DMD: variants seen among roughly 807,000 people sequenced by gnomAD.
DMD encodes mutant dystrophin.
Under a neutral mutation model 330.1 loss-of-function variants are expected in DMD, and 63 were observed. The observed-to-expected ratio is 0.19, with a 90% CI of 0.16 to 0.24. DMD has a LOEUF of 0.24. DMD is among the 10% of genes least tolerant of loss of function. The pLI is 1.00. For synonymous variants in DMD, 1,223 were observed against 959.8 expected (o/e 1.27, Z -5.07); for missense variants, 3,344 against 2,684.1 (o/e 1.25, Z -5.43).
At chrX:32,707,312 G>C (rs1038664704) in intron 7 of DMD, among the ~76,000 whole-genome samples, 1 of 111,876 alleles carries the variant, frequency 8.9e-6, no homozygotes, top group African/African-American at 3.3e-5. Context: ...ACTTGCCACT[G>C]TATCCCTGCT....
intron 2 of DMD, among the ~76,000 whole-genome samples, chrX:32,860,055 A>ATT (rs2081956943): frequency 8.9e-6 from 1 of 111,937 alleles, no homozygotes; most frequent in African/African-American, 3.3e-5. Context: ...ACACGAAAGG[A>ATT]CCTAAAAACG....
At chrX:31,419,734 A>G (rs984168607) in intron 60 of DMD, among the ~76,000 whole-genome samples, 1 of 111,620 alleles carries the variant, frequency 9.0e-6, no homozygotes, top group African/African-American at 3.3e-5. Context: ...GTAAATGGAT[A>G]AAGACCTCAG....
chrX:32,199,780 T>TTGTGTGTGTGTGTGTGTGTGTG (rs35897988), intron 44 of DMD, among the ~76,000 whole-genome samples: 12 of 84,137 alleles, frequency 1.4e-4, no homozygotes, highest in East Asian at 4.0e-4. Flanking sequence ...CGCAAGGCTT[T>TTGTGTGTGTGTGTGTGTGTGTG]TGTGTGTGTG....
At chrX:32,051,188 T>C (rs2096111749) in intron 44 of DMD, among the ~76,000 whole-genome samples, 1 of 109,656 alleles carries the variant, frequency 9.1e-6, no homozygotes, top group Admixed American at 9.9e-5. Context: ...TAACATAAAG[T>C]ATAGGTTAGA....
At chrX:32,748,871 T>C (rs2070429009) in intron 7 of DMD, among the ~76,000 whole-genome samples, 1 of 112,371 alleles carries the variant, frequency 8.9e-6, no homozygotes, top group Admixed American at 9.4e-5. Flanking sequence ...TGTTCACAGC[T>C]CTCTGATTAG....
intron 12 of DMD, among the ~76,000 whole-genome samples, chrX:32,597,438 A>T (rs1569278047): frequency 9.0e-6 from 1 of 111,726 alleles, no homozygotes; most frequent in East Asian, 2.8e-4. Flanking sequence ...GAAAACATGC[A>T]CAGATGAGTT....
At chrX:32,872,969 C>G (rs766047263) in intron 2 of DMD, among the ~76,000 whole-genome samples, 14 of 111,981 alleles carry the variant, frequency 1.3e-4, no homozygotes, top group African/African-American at 4.2e-4. Context: ...CTTATTTAAA[C>G]TAATCTTAGT....
chrX:32,167,639 A>G (rs2096873001), intron 44 of DMD, among the ~76,000 whole-genome samples: 1 of 112,581 alleles, frequency 8.9e-6, no homozygotes, highest in Non-Finnish European at 1.9e-5. Flanking sequence ...TCCCTGATAC[A>G]CGGTTAATGC....
chrX:32,016,224 A>G (rs2095758658), intron 44 of DMD, among the ~76,000 whole-genome samples: 1 of 111,496 alleles, frequency 9.0e-6, no homozygotes, highest in African/African-American at 3.3e-5. Flanking sequence ...ATACTATTAT[A>G]CTCTATTTCA....
Position 31,684,510 on chromosome X carries a change from T to C in DMD, c.7661-4924A>G, listed in dbSNP as rs188686912. On this transcript the variant is annotated intron_variant, in intron 52 of 78. Transcript: ENST00000357033. ...ATGGTGTGTACTTAGTTTTAACTCA[T>C]CTCCCTGGCTTTAGTGGTTAATTCA... Among the ~76,000 whole-genome samples, 4 of 112,037 alleles carry C rather than the reference T, an allele frequency of 3.6e-5. No individual in the cohort carries two copies. In the Admixed American group the frequency reaches 3.8e-4, roughly 11 times the overall value.
chrX:33,160,013 C>A (rs73455882), intron 1 of DMD, among the ~76,000 whole-genome samples: 40 of 111,853 alleles, frequency 3.6e-4, no homozygotes, highest in African/African-American at 1.3e-3. Context: ...AGTGCACATT[C>A]AGTAGAAACC....
At chrX:32,684,995 C>G (rs1382961038) in intron 9 of DMD, among the ~76,000 whole-genome samples, 1 of 111,561 alleles carries the variant, frequency 9.0e-6, no homozygotes, top group Non-Finnish European at 1.9e-5. Context: ...TTTATTGACT[C>G]CATAAATAAT....
At chrX:31,984,264 C>T (rs1037705350) in intron 44 of DMD, among the ~76,000 whole-genome samples, 33 of 111,460 alleles carry the variant, frequency 3.0e-4, no homozygotes, top group African/African-American at 1.0e-3. Flanking sequence ...AAATATCAAC[C>T]CAGAATATGT....
At chrX:33,164,892 G>A (rs1243413137) in intron 1 of DMD, among the ~76,000 whole-genome samples, 1 of 103,646 alleles carries the variant, frequency 9.6e-6, no homozygotes, top group Non-Finnish European at 2.0e-5. Context: ...GTTGGCACTT[G>A]AGGTTATTAT....
intron 1 of DMD, among the ~76,000 whole-genome samples, chrX:33,311,632 G>C: frequency 9.1e-6 from 1 of 110,419 alleles, no homozygotes; most frequent in Non-Finnish European, 1.9e-5. Flanking sequence ...CGATGATCTA[G>C]TACAAGGAAT....
chrX:32,395,789 G>C (rs1226322710), intron 30 of DMD, among the ~76,000 whole-genome samples: 1 of 111,045 alleles, frequency 9.0e-6, no homozygotes, highest in Non-Finnish European at 1.9e-5. Flanking sequence ...CATGCAGAGT[G>C]TGTGTGCTTA....
intron 5 of DMD, among the ~76,000 whole-genome samples, chrX:32,822,573 T>A (rs2078356535): frequency 9.0e-6 from 1 of 110,503 alleles, no homozygotes; most frequent in Non-Finnish European, 1.9e-5. Flanking sequence ...TATATACATA[T>A]ATAATGTGTG....
intron 44 of DMD, among the ~76,000 whole-genome samples, chrX:31,974,136 T>C (rs1045269252): frequency 1.8e-5 from 2 of 112,035 alleles, no homozygotes; most frequent in Admixed American, 9.5e-5. Flanking sequence ...TTGGAGGCCA[T>C]AATCATAAGC....
rs754118341 is a variant in DMD, at chrX:32,775,497, C to T, written c.649+33996G>A. 2.2e-3 allele frequency among the ~76,000 whole-genome samples: 245 copies of T among 113,426 alleles called. 1 individual carries two copies. The highest frequency in any genetic ancestry group is 7.5e-3 in the African/African-American group (235 of 31,262). ...AGGCAGAGGTTCCCAAACCTCATTTCTTGCCTTCTGCACAGCCGTAGGCAG... is the reference window on the plus strand; with the variant it reads ...AGGCAGAGGTTCCCAAACCTCATTTTTTGCCTTCTGCACAGCCGTAGGCAG... On this transcript the variant is annotated intron_variant, in intron 7 of 78. Coordinates refer to ENST00000357033, the MANE Select transcript of DMD (RefSeq NM_004006.3).
Sources: allele counts gnomAD v4.1 joint callset (sites outside exome capture counted in the v4.1 genomes callset), GRCh38; gene constraint gnomAD v4.1.1; transcripts MANE v1.5; gene names NCBI Gene and HGNC (gene_info 2026-07-23, HGNC 2026-07-21).